The following CYP7B1 variants were observed in gnomAD, a reference collection of about 807,000 sequenced individuals.
CYP7B1 encodes cytochrome P450 family 7 subfamily B member 1, also known as cytochrome P450 7B1.
CYP7B1 carries 29 observed loss-of-function variants against 42.7 expected under a neutral mutation model. That is an observed-to-expected ratio of 0.68 (90% confidence interval 0.51 to 0.93). The LOEUF (loss-of-function observed/expected upper bound fraction) is 0.93, where lower values mean the gene tolerates loss of function less well. Among genes scored for constraint, CYP7B1 ranks in the 40% least tolerant of loss-of-function variants. The pLI, the probability that CYP7B1 is intolerant of heterozygous loss-of-function variation, is 0.00. For missense variants in CYP7B1, 655 were observed against 600.5 expected, an observed-to-expected ratio of 1.09 and a Z score of -0.95; for synonymous variants, 235 against 218.2, an observed-to-expected ratio of 1.08 and a Z score of -0.68.
chr8:64,749,202 T>C (rs1276974966), intron 1 of CYP7B1, among the ~76,000 whole-genome samples: 1 of 152,096 alleles, frequency 6.6e-6, no homozygotes, highest in African/African-American at 2.4e-5. Flanking sequence ...TGCCTCAGCC[T>C]CCTGAGTAGC....
intron 1 of CYP7B1, among the ~76,000 whole-genome samples, chr8:64,796,504 A>C (rs1563431806): frequency 6.6e-6 from 1 of 152,202 alleles, no homozygotes; most frequent in African/African-American, 2.4e-5. Flanking sequence ...AGAAATTGGC[A>C]CTTGCACTAC....
At chr8:64,682,567 T>C (rs890966266) in intron 1 of CYP7B1, among the ~76,000 whole-genome samples, 2 of 152,224 alleles carry the variant, frequency 1.3e-5, no homozygotes, top group African/African-American at 4.8e-5. Context: ...TGTGGCTCCC[T>C]CATTTAGCTT....
chr8:64,788,984 G>A (rs1214457915), intron 1 of CYP7B1, among the ~76,000 whole-genome samples: 1 of 151,226 alleles, frequency 6.6e-6, no homozygotes, highest in East Asian at 1.9e-4. Context: ...GCAGTGGTGT[G>A]ATCTCGGCTC....
Position 64,591,916 on chromosome 8 carries a change from G to A in CYP7B1, c.*4726C>T, listed in dbSNP as rs1443172288. On this transcript the variant is annotated 3_prime_UTR_variant, in exon 6 of 6. Transcript: ENST00000310193. Reference sequence around the variant, plus strand: ...AAAATGAAAAGATGGGGGCGGGCACGGTGGCTCATGTCTGCAACCCCAGCA... The same window carrying A: ...AAAATGAAAAGATGGGGGCGGGCACAGTGGCTCATGTCTGCAACCCCAGCA... Among the ~76,000 whole-genome samples, 2 of 152,232 alleles carry A rather than the reference G, an allele frequency of 1.3e-5. No individual in the cohort carries two copies. The highest frequency in any genetic ancestry group is 2.4e-5 in the African/African-American group (1 of 41,522).
chr8:64,613,072 C>A (rs1338525369), intron 4 of CYP7B1, among the ~76,000 whole-genome samples: 1 of 152,166 alleles, frequency 6.6e-6, no homozygotes, highest in African/African-American at 2.4e-5. Flanking sequence ...ATTTTAAATT[C>A]TCGTAATGAA....
intron 1 of CYP7B1, among the ~76,000 whole-genome samples, chr8:64,743,505 G>A (rs1807599239): frequency 6.6e-6 from 1 of 152,144 alleles, no homozygotes; most frequent in Admixed American, 6.5e-5. Context: ...AGATCAAGGT[G>A]TCCACAGGGT....
At chr8:64,678,874 A>C (rs922572440) in intron 1 of CYP7B1, among the ~76,000 whole-genome samples, 2 of 139,052 alleles carry the variant, frequency 1.4e-5, no homozygotes, top group Non-Finnish European at 3.1e-5. Flanking sequence ...TTTGTTAAAC[A>C]TCAATGCTGT....
At chr8:64,590,459 G>A (rs966976555), downstream of CYP7B1, among the ~76,000 whole-genome samples, 3 of 152,200 alleles carry the variant, frequency 2.0e-5, no homozygotes, top group Non-Finnish European at 2.9e-5. Context: ...GTAGTAAAGA[G>A]ATCTGCTGAA....
chr8:64,734,393 T>A (rs1191414063), intron 1 of CYP7B1: 1 of 152,218 alleles, frequency 6.6e-6, no homozygotes, highest in Non-Finnish European at 1.5e-5. Context: ...AGGTTCAGTG[T>A]CTGGTATCTC....
In CYP7B1 at chr8:64,615,232, G is replaced by C; in HGVS notation, c.851C>G (p.Ala284Gly). 1 of 1,611,876 alleles carries C rather than the reference G, an allele frequency of 6.2e-7. No individual in the cohort carries two copies. Among genetic ancestry groups the C allele is most frequent in the Admixed American group, 1.7e-5 (1 of 59,760 alleles). ...GGCCCAGAGAAAGCCTAAATGATGT[G>C]CTGGGAGAAAATAAGTGAAAAGGAA... ...YYVHEDLEIGAHHLGFLWASV... is the reference protein window; with the variant it reads ...YYVHEDLEIGGHHLGFLWASV... The change falls in exon 4 of 6, where the codon GCA (alanine) becomes GGA (glycine). Residue 284 changes from alanine (A) to glycine (G), a missense_variant and splice_region_variant. Ala to Gly is a moderately conservative substitution (Grantham distance 60, BLOSUM62 0). Coordinates refer to ENST00000310193, the MANE Select transcript of CYP7B1 (RefSeq NM_004820.5).
chr8:64,671,207 AAAAGTGAGGATATG>A (rs1806362738), intron 1 of CYP7B1, among the ~76,000 whole-genome samples: 1 of 152,158 alleles, frequency 6.6e-6, no homozygotes, highest in Non-Finnish European at 1.5e-5. Context: ...AAATAAATGC[AAAAGTGAGGATATG>A]AAAGGTTTTA....
At chr8:64,603,167 C>A (rs1211068740) in intron 5 of CYP7B1, among the ~76,000 whole-genome samples, 1 of 152,076 alleles carries the variant, frequency 6.6e-6, no homozygotes, top group East Asian at 1.9e-4. Flanking sequence ...ATAAGGCAAG[C>A]CCTTCTGATT....
At chr8:64,738,073 T>C (rs1054515834) in intron 1 of CYP7B1, among the ~76,000 whole-genome samples, 1 of 152,212 alleles carries the variant, frequency 6.6e-6, no homozygotes, top group Non-Finnish European at 1.5e-5. Flanking sequence ...TATTCTAGGT[T>C]TATTCTGACC....
At position 64,593,439 on chromosome 8, in the gene CYP7B1, C is replaced by A. The variant is rs561164576; in HGVS notation, c.*3203G>T. ...GTAAAAATAAACAAAAAAATGAACC[C>A]CCAAATGTGTCCCCTGTCTATTCCT... On this transcript the variant is annotated 3_prime_UTR_variant, in exon 6 of 6. Transcript: ENST00000310193. 1.3e-5 allele frequency among the ~76,000 whole-genome samples: 2 copies of A among 152,196 alleles called. No individual in the cohort carries two copies. Among genetic ancestry groups the A allele is most frequent in the South Asian group, 4.2e-4 (2 of 4,818 alleles).
At position 64,754,575 on chromosome 8, in the gene CYP7B1, T is replaced by C. The variant is rs540361760; in HGVS notation, c.122+43891A>G. 2.6e-5 allele frequency among the ~76,000 whole-genome samples: 4 copies of C among 152,086 alleles called. No homozygotes were observed. In the South Asian group the frequency reaches 6.3e-4, roughly 24 times the overall value. On this transcript the variant is annotated intron_variant, in intron 1 of 5. Transcript: ENST00000310193. ...CCAACAAAGGTGAGCAGAGAGACAA[T>C]GCAGGCAAGCAGTAGGGAGGGAGGG...
intron 1 of CYP7B1, among the ~76,000 whole-genome samples, chr8:64,641,911 T>C (rs570322130): frequency 6.6e-6 from 1 of 152,328 alleles, no homozygotes; most frequent in African/African-American, 2.4e-5. Flanking sequence ...CAATGGCTCA[T>C]GGTAAACATA....
chr8:64,744,693 T>C (rs7827701), intron 1 of CYP7B1, among the ~76,000 whole-genome samples: 2,131 of 152,302 alleles, frequency 0.014, 56 homozygotes, highest in African/African-American at 0.047. Flanking sequence ...ACCCATGAAT[T>C]GTCTTAATTT....
At chr8:64,641,609 C>T (rs1164230008) in intron 1 of CYP7B1, among the ~76,000 whole-genome samples, 1 of 152,092 alleles carries the variant, frequency 6.6e-6, no homozygotes, top group Non-Finnish European at 1.5e-5. Context: ...CTTGATAGTT[C>T]TTAAAGGTAA....
At chr8:64,777,301 T>C (rs1804343559) in intron 1 of CYP7B1, among the ~76,000 whole-genome samples, 1 of 152,034 alleles carries the variant, frequency 6.6e-6, no homozygotes, top group Non-Finnish European at 1.5e-5. Flanking sequence ...ACAGAGCTGC[T>C]ACCCAGAAAT....
Sources: gnomAD v4.1 joint callset for allele counts (sites outside exome capture counted in the v4.1 genomes callset) on GRCh38, gnomAD v4.1.1 for gene constraint, MANE v1.5 for transcripts, NCBI Gene and HGNC (gene_info 2026-07-23, HGNC 2026-07-21) for gene names.